SPECC1L: variants seen among roughly 807,000 people sequenced by gnomAD.
SPECC1L encodes cytospin-A.
A neutral mutation model predicts 116.8 loss-of-function variants in SPECC1L; 40 were observed. The ratio of observed to expected loss-of-function variants is 0.34; its 90% CI spans 0.27 to 0.45. The LOEUF is 0.45. Ranked by LOEUF, SPECC1L falls within the 20% of genes least tolerant of loss-of-function variation. The probability of loss-of-function intolerance (pLI) is 1.00; values close to 1 mark genes in which losing one functional copy is unlikely to be tolerated. For synonymous variants in SPECC1L, 504 were observed against 500.6 expected (o/e 1.01, Z -0.09); for missense variants, 1,110 against 1,373.6 (o/e 0.81, Z 3.03).
At chr22:24,344,632 G>T (rs1459244846) in intron 10 of SPECC1L, among the ~76,000 whole-genome samples, 1 of 151,266 alleles carries the variant, frequency 6.6e-6, no homozygotes, top group African/African-American at 2.4e-5. Context: ...ATACAAGTTT[G>T]GAAAGGGTAA....
intron 10 of SPECC1L, among the ~76,000 whole-genome samples, chr22:24,342,672 CAAA>C (rs35947804): frequency 9.8e-5 from 10 of 102,144 alleles, no homozygotes; most frequent in Non-Finnish European, 1.0e-4. Context: ...GACTCCATCT[CAAA>C]AAAAAAAAAA....
Position 24,292,695 on chromosome 22 carries a change from A to G in SPECC1L, c.-37-9500A>G, listed in dbSNP as rs141762523. On this transcript the variant is annotated intron_variant, in intron 2 of 16. Transcript: ENST00000314328. ...CATAGCCTTACCATTGCTTTGTCCT[A>G]TGTAACGTCATCAATTATGTGAATT... 6.3e-3 allele frequency among the ~76,000 whole-genome samples: 962 copies of G among 152,198 alleles called. 5 individuals are homozygous for G. Among genetic ancestry groups the G allele is most frequent in the Non-Finnish European group, 9.5e-3 (649 of 68,028 alleles).
intron 6 of SPECC1L, among the ~76,000 whole-genome samples, chr22:24,326,711 C>T (rs1260638931): frequency 1.3e-5 from 2 of 152,106 alleles, no homozygotes; most frequent in African/African-American, 4.8e-5. Flanking sequence ...AAAGTTGGTA[C>T]ATATGACACA....
chr22:24,373,114 T>G (rs1180525243), intron 14 of SPECC1L, among the ~76,000 whole-genome samples: 2 of 152,000 alleles, frequency 1.3e-5, no homozygotes, highest in Admixed American at 6.6e-5. Context: ...CACTGCTCAA[T>G]GAAATAAAAG....
chr22:24,381,126 A>G (rs2042054835), intron 14 of SPECC1L, among the ~76,000 whole-genome samples: 1 of 152,182 alleles, frequency 6.6e-6, no homozygotes, highest in African/African-American at 2.4e-5. Context: ...ACTTTCAGTA[A>G]ACTTTTCTTT....
In SPECC1L at chr22:24,288,644, T is replaced by TTTTTTTTTTTG. The variant is rs2049097699; in HGVS notation, c.-38+11841_-38+11842insTTTTTTTTTTG. ...TTTTTTTTTTTTTTTTTTTTTTTTT[T>TTTTTTTTTTTG]GGACATATCCTTGCTCTGTTGCCCA... On this transcript the variant is annotated intron_variant, in intron 2 of 16. Transcript: ENST00000314328. Among the ~76,000 whole-genome samples, 12 of 125,306 alleles carry TTTTTTTTTTTG rather than the reference T, an allele frequency of 9.6e-5. 1 individual carries two copies. The highest frequency in any genetic ancestry group is 3.6e-4 in the African/African-American group (11 of 30,976). The allele number at this position is 125,306 out of a possible 152,430, so 82.2% of individuals were successfully genotyped here.
chr22:24,383,792 ATTTTTTTTTTTTTTTTTTTTT>A (rs538972717), intron 14 of SPECC1L, among the ~76,000 whole-genome samples: 43,822 of 77,380 alleles, frequency 0.57, 10,155 homozygotes, highest in Admixed American at 0.63. Flanking sequence ...ACCCACCACT[ATTTTTTTTTTTTTTTTTTTTT>A]TTTTTTTTTT....
intron 2 of SPECC1L, among the ~76,000 whole-genome samples, chr22:24,279,127 A>C (rs2048892822): frequency 2.0e-5 from 3 of 152,280 alleles, no homozygotes; most frequent in Admixed American, 2.0e-4. Context: ...CTGAGCTTTT[A>C]TGTATTTATT....
intron 11 of SPECC1L, among the ~76,000 whole-genome samples, chr22:24,359,262 A>G (rs1421808736): frequency 6.6e-6 from 1 of 152,140 alleles, no homozygotes; most frequent in Non-Finnish European, 1.5e-5. Flanking sequence ...GACCAAGATT[A>G]CCAGTAACCT....
chr22:24,376,912 T>G (rs184882772), intron 14 of SPECC1L, among the ~76,000 whole-genome samples: 8 of 146,266 alleles, frequency 5.5e-5, no homozygotes, highest in African/African-American at 7.4e-5. Context: ...TGGGTTTTTG[T>G]TTTTTTTTTA....
chr22:24,412,980 A>G (rs529290252), intron 16 of SPECC1L, among the ~76,000 whole-genome samples: 7 of 152,182 alleles, frequency 4.6e-5, no homozygotes, highest in South Asian at 4.1e-4. Context: ...GGCCCAGCCA[A>G]CCTTCCCTGG....
At chr22:24,272,036 A>G (rs866312094) in intron 1 of SPECC1L, among the ~76,000 whole-genome samples, 6 of 152,144 alleles carry the variant, frequency 3.9e-5, no homozygotes, top group African/African-American at 1.4e-4. Context: ...GGGGACTGCA[A>G]TTTTGCCAAT....
intron 4 of SPECC1L, among the ~76,000 whole-genome samples, chr22:24,314,870 G>A (rs911767331): frequency 1.3e-5 from 2 of 152,196 alleles, no homozygotes; most frequent in Non-Finnish European, 2.9e-5. Context: ...AATGATGTTA[G>A]AAGCCTCTGA....
At chr22:24,334,716 G>C in intron 9 of SPECC1L, 143 bp downstream of exon 9, 1 of 908,050 alleles carries the variant, frequency 1.1e-6, no homozygotes, top group South Asian at 1.4e-5. Flanking sequence ...AGACTTAACA[G>C]AAGGTGATAT....
In SPECC1L at chr22:24,310,192, A is replaced by G. The variant is rs5751843; in HGVS notation, c.154-3121A>G. ...ATACCAATTGGTAGCAGTCTTTCTT[A>G]TTTTTTGTTGCTGTTTAATACCTCA... On this transcript the variant is annotated intron_variant, in intron 3 of 16. Coordinates refer to ENST00000314328, the MANE Select transcript of SPECC1L (RefSeq NM_015330.6). Among the ~76,000 whole-genome samples, 801 of 152,176 alleles carry G rather than the reference A, an allele frequency of 5.3e-3. 43 individuals carry two copies. The East Asian group carries it at 0.13, about 25-fold the overall frequency.
chr22:24,374,588 C>T (rs2041935441), intron 14 of SPECC1L, among the ~76,000 whole-genome samples: 1 of 127,270 alleles, frequency 7.9e-6, no homozygotes, highest in Admixed American at 1.0e-4. Flanking sequence ...AACACATGGA[C>T]ACAGGAAGGG....
At chr22:24,315,055 T>A (rs1285215817) in intron 4 of SPECC1L, among the ~76,000 whole-genome samples, 1 of 152,262 alleles carries the variant, frequency 6.6e-6, no homozygotes, top group Non-Finnish European at 1.5e-5. Flanking sequence ...CTAGTAAACA[T>A]AAGATCAAGT....
At position 24,330,642 on chromosome 22, in the gene SPECC1L, A is replaced by G. The variant is rs572312785; in HGVS notation, c.2396+211A>G. 3.7e-4 allele frequency among the ~76,000 whole-genome samples: 57 copies of G among 152,272 alleles called. 3 individuals carry two copies. In the South Asian group the frequency reaches 0.011, roughly 30 times the overall value. ...TCTTTCAGAGTTGTCAGTATCAGTG[A>G]TCCCCAACTCTGGAGGGAGCCAGGA... is the stretch of plus-strand genomic sequence containing the variant. On this transcript the variant is annotated intron_variant, in intron 8 of 16. Coordinates refer to ENST00000314328, the MANE Select transcript of SPECC1L (RefSeq NM_015330.6).
intron 11 of SPECC1L, among the ~76,000 whole-genome samples, chr22:24,352,600 G>A (rs1276526742): frequency 6.6e-6 from 1 of 152,132 alleles, no homozygotes; most frequent in African/African-American, 2.4e-5. Context: ...TTACTGGAAA[G>A]CCAAACCTTC....
Sources: gnomAD v4.1 joint callset for allele counts (sites outside exome capture counted in the v4.1 genomes callset) on GRCh38, gnomAD v4.1.1 for gene constraint, MANE v1.5 for transcripts, NCBI Gene and HGNC (gene_info 2026-07-23, HGNC 2026-07-21) for gene names.